RCAN1: variants seen among roughly 807,000 people sequenced by gnomAD.
The protein encoded by RCAN1 is regulator of calcineurin 1.
Under a neutral mutation model 22.9 loss-of-function variants are expected in RCAN1, and 11 were observed. The ratio of observed to expected loss-of-function variants is 0.48; its 90% CI spans 0.30 to 0.79. The LOEUF is 0.79. Among genes scored for constraint, RCAN1 ranks in the 30% least tolerant of loss-of-function variants. The pLI is 0.06. For missense variants in RCAN1, 291 were observed against 337.8 expected (o/e 0.86, Z 1.09); for synonymous variants, 136 against 142.3 (o/e 0.96, Z 0.32).
intron 1 of RCAN1, among the ~76,000 whole-genome samples, chr21:34,596,198 C>T (rs1400160477): frequency 2.0e-5 from 3 of 152,190 alleles, no homozygotes; most frequent in African/African-American, 7.2e-5. Flanking sequence ...GCAGCAGTGC[C>T]AGGAAGAAGC....
chr21:34,573,555 C>A (rs1205431614), intron 1 of RCAN1, among the ~76,000 whole-genome samples: 1 of 152,126 alleles, frequency 6.6e-6, no homozygotes, highest in Admixed American at 6.5e-5. Flanking sequence ...CACTTTTTTC[C>A]TCTGTACATG....
At chr21:34,530,627 T>TGTTTGTTTTG (rs72007592) in intron 1 of RCAN1, among the ~76,000 whole-genome samples, 1 of 80,052 alleles carries the variant, frequency 1.2e-5, no homozygotes, top group African/African-American at 6.2e-5. Flanking sequence ...TTTTTTTTTT[T>TGTTTGTTTTG]TTTTTTTTTT....
intron 1 of RCAN1, among the ~76,000 whole-genome samples, chr21:34,541,955 A>T (rs1038124203): frequency 3.3e-5 from 5 of 152,196 alleles, no homozygotes; most frequent in African/African-American, 4.8e-5. Flanking sequence ...AATAAATAAA[A>T]AAAATTTTTT....
At chr21:34,533,085 C>G (rs796660254) in intron 1 of RCAN1, among the ~76,000 whole-genome samples, 1 of 151,362 alleles carries the variant, frequency 6.6e-6, no homozygotes, top group East Asian at 1.9e-4. Flanking sequence ...CTCAGCCTCC[C>G]GAGTAGCTGG....
Position 34,517,962 on chromosome 21 carries a change from A to G in RCAN1, c.*122T>C. On this transcript the variant is annotated 3_prime_UTR_variant, in exon 4 of 4. Transcript: ENST00000313806. ...CTTGATTCTCTTCTGAGCAACATGA[A>G]CTGGGATTTCTGCCACCCCGATCTC... 1 of 1,185,354 alleles carries G rather than the reference A, an allele frequency of 8.4e-7. No individual in the cohort carries two copies. The highest frequency in any genetic ancestry group is 1.4e-5 in the South Asian group (1 of 71,708). The allele number at this position is 1,185,354 out of a possible 1,614,324, so 73.4% of individuals were successfully genotyped here. A position where few individuals can be genotyped will look rare whatever the true frequency, so the allele number is the denominator to read the frequency against.
chr21:34,539,540 C>T (rs181509038), intron 1 of RCAN1, among the ~76,000 whole-genome samples: 42 of 152,310 alleles, frequency 2.8e-4, no homozygotes, highest in African/African-American at 1.0e-3. Context: ...CCACAATGAA[C>T]ACTTATTACT....
intron 1 of RCAN1, among the ~76,000 whole-genome samples, chr21:34,575,283 G>C (rs555693299): frequency 2.7e-4 from 41 of 152,144 alleles, no homozygotes; most frequent in Non-Finnish European, 5.4e-4. Flanking sequence ...TCCCCATCTG[G>C]AGCGGCTATG....
chr21:34,567,693 G>A (rs187247201), intron 1 of RCAN1, among the ~76,000 whole-genome samples: 51 of 152,154 alleles, frequency 3.4e-4, no homozygotes, highest in Non-Finnish European at 4.9e-4. Flanking sequence ...TCAGAACTTC[G>A]GTCTAGTTAC....
intron 1 of RCAN1, among the ~76,000 whole-genome samples, chr21:34,590,007 C>T (rs376554069): frequency 6.6e-6 from 1 of 152,236 alleles, no homozygotes; most frequent in Non-Finnish European, 1.5e-5. Context: ...CAGAAGACTA[C>T]TGAATATTCT....
Position 34,612,879 on chromosome 21 carries a change from G to A in RCAN1, c.252+1881C>T, listed in dbSNP as rs541992347. On this transcript the variant is annotated intron_variant, in intron 1 of 3. Transcript: ENST00000313806. ...CCAGCTCTTCAACAAAACCCCCACA[G>A]TGTTAGGACCTGACCACTCTGACCA... 5.9e-5 allele frequency among the ~76,000 whole-genome samples: 9 copies of A among 152,288 alleles called. No individual in the cohort carries two copies. In the South Asian group the frequency reaches 1.7e-3, roughly 28 times the overall value.
chr21:34,519,543 C>T (rs952550135), intron 3 of RCAN1, among the ~76,000 whole-genome samples: 2 of 151,906 alleles, frequency 1.3e-5, no homozygotes, highest in Middle Eastern at 3.4e-3. Flanking sequence ...GGACTACAGG[C>T]GCATGCCATC....
rs113736322 is a variant in RCAN1 at position 34,541,795 on chromosome 21, G to A, written c.253-18085C>T. ...TAAAAACACAAAAAACTAGCCAGGC[G>A]TGGTGGCGGGTGCCTGTAATCCCAG... On this transcript the variant is annotated intron_variant, in intron 1 of 3. Transcript: ENST00000313806. 1.2e-4 allele frequency among the ~76,000 whole-genome samples: 18 copies of A among 152,250 alleles called. 1 individual carries two copies. Among genetic ancestry groups the A allele is most frequent in the African/African-American group, 3.6e-4 (15 of 41,548 alleles).
At chr21:34,587,009 C>CA (rs1380189252) in intron 1 of RCAN1, among the ~76,000 whole-genome samples, 1 of 151,000 alleles carries the variant, frequency 6.6e-6, no homozygotes, top group African/African-American at 2.4e-5. Context: ...AAACAGAAAA[C>CA]AAAAAAACAG....
intron 1 of RCAN1, among the ~76,000 whole-genome samples, chr21:34,553,412 A>G (rs1279368762): frequency 1.3e-5 from 2 of 152,234 alleles, no homozygotes; most frequent in African/African-American, 4.8e-5. Flanking sequence ...ATAGCACATA[A>G]AATCATGGAA....
At position 34,518,029 on chromosome 21, in the gene RCAN1, G is replaced by C; in HGVS notation, c.*55C>G. On this transcript the variant is annotated 3_prime_UTR_variant, in exon 4 of 4. Coordinates refer to ENST00000313806, the MANE Select transcript of RCAN1 (RefSeq NM_004414.7). The surrounding 1 kb of genome is among the most constrained non-coding windows in gnomAD (Gnocchi z 4.2). ...GAAGTCGTGACCAGCCACCTCCACA[G>C]TAAAAGATTCCTCCCGTGAGTATGA... The C allele has an allele frequency of 6.3e-7, 1 of 1,598,724 alleles. No individual in the cohort carries two copies.
chr21:34,579,922 T>C (rs1298259281), intron 1 of RCAN1, among the ~76,000 whole-genome samples: 1 of 152,144 alleles, frequency 6.6e-6, no homozygotes, highest in Non-Finnish European at 1.5e-5. Flanking sequence ...AAAATTGCCT[T>C]TCCACTCTGT....
chr21:34,525,333 G>A (rs1193294927), intron 1 of RCAN1: 1 of 1,512,460 alleles, frequency 6.6e-7, no homozygotes, highest in East Asian at 2.5e-5. Flanking sequence ...TTCAGTTTAG[G>A]GACATTTCTG....
chr21:34,590,768 G>A (rs959694793), intron 1 of RCAN1, among the ~76,000 whole-genome samples: 1 of 152,332 alleles, frequency 6.6e-6, no homozygotes. Context: ...ATTACAAGAG[G>A]ACTAGAAGAC....
intron 1 of RCAN1, among the ~76,000 whole-genome samples, chr21:34,594,422 C>T (rs186606583): frequency 1.1e-3 from 170 of 152,214 alleles, no homozygotes; most frequent in African/African-American, 3.9e-3. Flanking sequence ...TGTGGTAGCA[C>T]ATGCCTGTAC....
Sources: allele counts gnomAD v4.1 joint callset (sites outside exome capture counted in the v4.1 genomes callset), GRCh38; gene constraint gnomAD v4.1.1; non-coding constraint Gnocchi (gnomAD v3.1); transcripts MANE v1.5; gene names NCBI Gene and HGNC (gene_info 2026-07-23, HGNC 2026-07-21).